OPRM1: variants seen among roughly 807,000 people sequenced by gnomAD.
OPRM1 encodes the protein opioid receptor mu 1, also known as mu-type opioid receptor.
OPRM1 carries 27 observed loss-of-function variants against 31.8 expected under a neutral mutation model. That is an observed-to-expected ratio of 0.85 (90% CI 0.63 to 1.17). The LOEUF is 1.17. Ranked by LOEUF, OPRM1 falls within the 50% of genes most tolerant of loss-of-function variation. The pLI, the probability that OPRM1 is intolerant of heterozygous loss-of-function variation, is 0.00. For missense variants in OPRM1, 536 were observed against 511.1 expected (o/e 1.05, Z -0.47); for synonymous variants, 196 against 189.9 (o/e 1.03, Z -0.26).
intron 3 of OPRM1, chr6:154,223,045 G>T (rs966062040): frequency 1.3e-6 from 1 of 775,232 alleles, no homozygotes. Context: ...AACCCATAAT[G>T]CTTCAAATTC....
chr6:154,177,019 C>G (rs1349155473), intron 3 of OPRM1, among the ~76,000 whole-genome samples: 2 of 152,088 alleles, frequency 1.3e-5, no homozygotes, highest in Non-Finnish European at 2.9e-5. Flanking sequence ...ACAAACCTGA[C>G]AAAAACAAGC....
intron 3 of OPRM1, among the ~76,000 whole-genome samples, chr6:154,116,089 A>G (rs1478601685): frequency 1.3e-5 from 2 of 152,156 alleles, no homozygotes; most frequent in East Asian, 3.9e-4. Flanking sequence ...CTGCCAGTAC[A>G]GGATCTCCCG....
chr6:154,209,824 A>G (rs979696058), intron 3 of OPRM1, among the ~76,000 whole-genome samples: 6 of 151,874 alleles, frequency 4.0e-5, no homozygotes, highest in East Asian at 1.9e-4. Context: ...TCTAAGGGGG[A>G]AAAAAAATCT....
chr6:154,141,523 C>T (rs1172774883), intron 3 of OPRM1, among the ~76,000 whole-genome samples: 1 of 152,186 alleles, frequency 6.6e-6, no homozygotes, highest in East Asian at 1.9e-4. Context: ...GTTTATCTTG[C>T]AGAGGTTGAG....
intron 3 of OPRM1, among the ~76,000 whole-genome samples, chr6:154,202,199 G>T (rs1777124646): frequency 6.6e-6 from 1 of 152,086 alleles, no homozygotes; most frequent in African/African-American, 2.4e-5. Flanking sequence ...CTCTAGTTAA[G>T]ATACTAACTA....
At chr6:154,107,673 A>G (rs1233295809) in intron 3 of OPRM1, 2 of 718,408 alleles carry the variant, frequency 2.8e-6, no homozygotes, top group East Asian at 5.4e-5. Context: ...AGACCAAGAG[A>G]AGGTACTGCC....
At chr6:154,035,022 C>A (rs780859473), upstream of OPRM1, among the ~76,000 whole-genome samples, 1 of 152,126 alleles carries the variant, frequency 6.6e-6, no homozygotes, top group Non-Finnish European at 1.5e-5. Flanking sequence ...AGGCCACATA[C>A]AACAGGATAT....
chr6:154,190,166 A>G (rs1340571545), intron 3 of OPRM1, among the ~76,000 whole-genome samples: 1 of 152,172 alleles, frequency 6.6e-6, no homozygotes, highest in Non-Finnish European at 1.5e-5. Context: ...CCAACATCAC[A>G]TAAGCAAAAA....
intron 1 of OPRM1, among the ~76,000 whole-genome samples, chr6:154,064,469 A>G (rs941517603): frequency 6.6e-6 from 1 of 152,092 alleles, no homozygotes; most frequent in Non-Finnish European, 1.5e-5. Flanking sequence ...GTGTCCTTTG[A>G]TTAACAAAAG....
At chr6:154,075,806 G>C (rs1340088271) in intron 1 of OPRM1, among the ~76,000 whole-genome samples, 1 of 152,134 alleles carries the variant, frequency 6.6e-6, no homozygotes, top group Non-Finnish European at 1.5e-5. Flanking sequence ...AGGGAGGAAG[G>C]GTGGAACAGT....
intron 3 of OPRM1, among the ~76,000 whole-genome samples, chr6:154,165,429 G>C (rs1203192101): frequency 2.0e-5 from 3 of 152,182 alleles, no homozygotes; most frequent in Non-Finnish European, 2.9e-5. Flanking sequence ...CCTTTGAATA[G>C]GTTGATGCAC....
At chr6:154,085,760 C>A (rs1465605175) in intron 1 of OPRM1, among the ~76,000 whole-genome samples, 1 of 152,154 alleles carries the variant, frequency 6.6e-6, no homozygotes, top group African/African-American at 2.4e-5. Context: ...CAGGTCATTT[C>A]TTTTGCTAGT....
At chr6:154,226,904 A>G (rs193066508) in intron 3 of OPRM1, among the ~76,000 whole-genome samples, 2 of 152,294 alleles carry the variant, frequency 1.3e-5, no homozygotes, top group Admixed American at 1.3e-4. Flanking sequence ...CAAAGAAAAA[A>G]CAATACTTCT....
intron 3 of OPRM1, among the ~76,000 whole-genome samples, chr6:154,149,263 G>A (rs1798434208): frequency 6.6e-6 from 1 of 152,172 alleles, no homozygotes; most frequent in South Asian, 2.1e-4. Flanking sequence ...GGAGAGAGAA[G>A]TGCAGAGCAA....
rs757117868 is a variant in OPRM1, at chr6:154,120,961, T to C, written c.*2240T>C. Among the ~76,000 whole-genome samples the C allele has an allele frequency of 2.6e-5, 4 of 152,158 alleles. No homozygotes were observed. Among genetic ancestry groups the C allele is most frequent in the African/African-American group, 9.7e-5 (4 of 41,446 alleles). ...AAATAAGACATTCTAAAGTAAATAA[T>C]AAATAAGGTCATTGTCAACGTTTTT... On this transcript the variant is annotated 3_prime_UTR_variant, in exon 4 of 4. Coordinates refer to ENST00000330432, the MANE Select transcript of OPRM1 (RefSeq NM_000914.5).
At position 154,010,723 on chromosome 6, in the gene OPRM1, A is replaced by C. The variant is rs534665555; in HGVS notation, c.-296A>C. 2.8e-6 allele frequency: 4 copies of C among 1,431,512 alleles called. No individual in the cohort carries two copies. The African/African-American group carries it at 4.3e-5, about 15-fold the overall frequency. The allele number at this position is 1,431,512 out of a possible 1,614,324, so 88.7% of individuals were successfully genotyped here. The stretch of plus-strand genomic sequence containing the variant: ...AGGCTTCTGGATTCAGTGTGTGGAC[A>C]TGACTTTGCCTGCATGAATTGCCCC... On this transcript the variant is annotated 5_prime_UTR_variant, in exon 1 of 6. Transcript: ENST00000434900.
intron 3 of OPRM1, among the ~76,000 whole-genome samples, chr6:154,152,395 A>AG (rs1798562627): frequency 6.6e-6 from 1 of 151,754 alleles, no homozygotes; most frequent in African/African-American, 2.4e-5. Flanking sequence ...AAAGAAAGAG[A>AG]AATAGTGTTC....
chr6:154,100,135 T>TC (rs1481568757), intron 3 of OPRM1, among the ~76,000 whole-genome samples: 2 of 101,620 alleles, frequency 2.0e-5, no homozygotes, highest in Non-Finnish European at 3.8e-5. Flanking sequence ...TTATGACATA[T>TC]AATATATATT....
intron 3 of OPRM1, among the ~76,000 whole-genome samples, chr6:154,093,857 C>T (rs1465089232): frequency 6.6e-6 from 1 of 152,180 alleles, no homozygotes; most frequent in East Asian, 1.9e-4. Flanking sequence ...TACAACCAGA[C>T]AACTGGAACA....
Sources: allele counts gnomAD v4.1 joint callset (sites outside exome capture counted in the v4.1 genomes callset), GRCh38; gene constraint gnomAD v4.1.1; transcripts MANE v1.5; gene names NCBI Gene and HGNC (gene_info 2026-07-23, HGNC 2026-07-21).